Variants in DNAH6 observed in about 807,000 individuals in gnomAD.
DNAH6 encodes dynein axonemal heavy chain 6, also known as axonemal beta dynein heavy chain 6.
DNAH6 carries 340 observed loss-of-function variants against 491.4 expected under a neutral mutation model. The ratio of observed to expected loss-of-function variants is 0.69; its 90% CI spans 0.63 to 0.76. DNAH6 has a LOEUF of 0.76. Among genes scored for constraint, DNAH6 ranks in the 30% least tolerant of loss-of-function variants. The probability of loss-of-function intolerance (pLI) is 0.00; values close to 1 mark genes in which losing one functional copy is unlikely to be tolerated. For synonymous variants in DNAH6, 1,603 were observed against 1,686.1 expected (o/e 0.95, Z 1.21); for missense variants, 4,443 against 4,972.2 (o/e 0.89, Z 3.20).
chr2:84,549,542 C>T (rs953089519), intron 8 of DNAH6, among the ~76,000 whole-genome samples: 2 of 152,172 alleles, frequency 1.3e-5, no homozygotes, highest in African/African-American at 4.8e-5. Flanking sequence ...TTGTATGCAT[C>T]GATTTCTCCT....
Position 84,641,974 on chromosome 2 carries a change from A to C in DNAH6, c.4998A>C (p.Leu1666=). The change falls in exon 33 of 77, where the codon CTA becomes CTC. Residue 1666 remains leucine (L), a synonymous_variant. Coordinates refer to ENST00000389394, the MANE Select transcript of DNAH6 (RefSeq NM_001370.2). ...CTTTAAAAAGAGAAAACCCAGACCT[A>C]AATGAAGATGTGGTGTTGATAAGAG... The part of the protein sequence containing the change: ...AGSLKRENPD[L]NEDVVLIRAL... The C allele has an allele frequency of 6.4e-7, 1 of 1,550,814 alleles. No individual in the cohort carries two copies. The highest frequency in any genetic ancestry group is 1.2e-5 in the South Asian group (1 of 83,984).
the DNAH6 span, among the ~76,000 whole-genome samples, chr2:84,497,022 G>C: frequency 6.8e-6 from 1 of 147,404 alleles, no homozygotes; most frequent in African/African-American, 2.5e-5. Flanking sequence ...CCATGCTGGA[G>C]TGCAGTGACA....
intron 4 of DNAH6, among the ~76,000 whole-genome samples, chr2:84,542,965 C>G (rs1210664716): frequency 6.6e-6 from 1 of 152,098 alleles, no homozygotes; most frequent in East Asian, 1.9e-4. Context: ...TCGAGACCAG[C>G]CTGGTCAACA....
chr2:84,708,472 GA>G (rs368413372), intron 54 of DNAH6, among the ~76,000 whole-genome samples: 51 of 75,566 alleles, frequency 6.7e-4, no homozygotes, highest in African/African-American at 1.8e-3. Flanking sequence ...GAAAAAGAGA[GA>G]AAGGGGGGGG....
At chr2:84,687,091 T>C (rs1233710441) in intron 44 of DNAH6, among the ~76,000 whole-genome samples, 1 of 152,228 alleles carries the variant, frequency 6.6e-6, no homozygotes, top group Non-Finnish European at 1.5e-5. Flanking sequence ...TTTTTTTATA[T>C]ATTTAACTTC....
rs267599483 is a variant in DNAH6 at position 84,784,745 on chromosome 2, C to T, written c.10888C>T (p.Arg3630Ter). ...AGATAGTGCTATCAAGGACACTTTT[C>T]GACTTTTTTTAAGCTCCATGCCTAG... ...DPDSAIKDTFRLFLSSMPSNT... is the reference protein window; with the variant it reads ...DPDSAIKDTF The change falls in exon 66 of 77, where the codon CGA (arginine) becomes TGA (stop). Residue 3630 changes from arginine to a stop codon, truncating the protein, a stop_gained. Coordinates refer to ENST00000389394, the MANE Select transcript of DNAH6 (RefSeq NM_001370.2). LOFTEE classifies it high-confidence loss of function. 39 of 1,550,474 alleles carry T rather than the reference C, an allele frequency of 2.5e-5. No individual in the cohort carries two copies. The highest frequency in any genetic ancestry group is 8.2e-5 in the African/African-American group (6 of 73,078).
intron 72 of DNAH6, among the ~76,000 whole-genome samples, chr2:84,809,168 C>T (rs991203324): frequency 6.6e-6 from 1 of 152,154 alleles, no homozygotes; most frequent in African/African-American, 2.4e-5. Flanking sequence ...TAATGATGGT[C>T]AAAGGCCTTC....
rs919465278 is a variant in DNAH6, at chr2:84,812,280, T to C, written c.11740-61T>C. 10 of 1,453,198 alleles carry C rather than the reference T, an allele frequency of 6.9e-6. No individual in the cohort carries two copies. The African/African-American group carries it at 1.1e-4, about 16-fold the overall frequency. 90.0% of individuals were successfully genotyped at this position (1,453,198 alleles called of 1,614,324 possible). The stretch of plus-strand genomic sequence containing the variant: ...GGCAGCCCCTGCTGTCATTAATGTG[T>C]GTCACTGACACTGGATAATGACATC... On this transcript the variant is annotated intron_variant, in intron 72 of 76. Transcript: ENST00000389394.
At chr2:84,507,715 GCTCTTAT>G in the DNAH6 span, among the ~76,000 whole-genome samples, 1 of 152,152 alleles carries the variant, frequency 6.6e-6, no homozygotes, top group Non-Finnish European at 1.5e-5. Flanking sequence ...GTCATAGATA[GCTCTTAT>G]TATTTTGAGA....
At chr2:84,728,465 T>C (rs1573624701) in intron 61 of DNAH6, among the ~76,000 whole-genome samples, 1 of 152,342 alleles carries the variant, frequency 6.6e-6, no homozygotes, top group East Asian at 1.9e-4. Flanking sequence ...CTGTGTAATG[T>C]ATCATTTAAC....
Position 84,654,699 on chromosome 2 carries a change from C to T in DNAH6, c.5674C>T (p.Arg1892Ter). The change falls in exon 35 of 77, where the codon CGA becomes TGA. Residue 1892 changes from arginine (R) to a stop codon, truncating the protein, a stop_gained. Transcript: ENST00000389394. LOFTEE classifies it high-confidence loss of function. ...LRVASPATVSRCGMVFVDPEE... is the reference protein window; with the variant it reads ...LRVASPATVS ...GGTTGCCTCCCCTGCAACAGTCAGT[C>T]GATGTGGAATGGTGTTTGTGGATCC... is the stretch of plus-strand genomic sequence containing the variant. The T allele has an allele frequency of 1.9e-6, 3 of 1,551,024 alleles. No homozygotes were observed. Among genetic ancestry groups the T allele is most frequent in the Non-Finnish European group, 2.6e-6 (3 of 1,146,384 alleles).
chr2:84,769,925 G>C (rs1389625170), intron 64 of DNAH6, among the ~76,000 whole-genome samples: 1 of 152,174 alleles, frequency 6.6e-6, no homozygotes, highest in Admixed American at 6.5e-5. Context: ...ACTCACAAAA[G>C]ACATGAGAAG....
In DNAH6 at chr2:84,797,568, A is replaced by G; in HGVS notation, c.11391A>G (p.Leu3797=). The part of the protein sequence containing the change: ...GIYFAPMADS[L]QEFKDYIENL... ...ATTTTGCACCCATGGCTGACAGCCT[A>G]CAAGAGTTTAAGGACTACATTGAAA... Residue 3797 remains leucine (L), a synonymous_variant, in exon 70 of 77, where the codon CTA becomes CTG. Coordinates refer to ENST00000389394, the MANE Select transcript of DNAH6 (RefSeq NM_001370.2). 1.3e-6 allele frequency: 2 copies of G among 1,551,848 alleles called. No homozygotes were observed. Among genetic ancestry groups the G allele is most frequent in the Non-Finnish European group, 1.7e-6 (2 of 1,146,920 alleles).
chr2:84,528,640 T>C (rs1245480644), intron 3 of DNAH6, among the ~76,000 whole-genome samples: 2 of 151,700 alleles, frequency 1.3e-5, no homozygotes, highest in Non-Finnish European at 2.9e-5. Flanking sequence ...GTAATAAACA[T>C]TGAGTTAAAG....
At chr2:84,570,387 C>G (rs921124745) in intron 11 of DNAH6, among the ~76,000 whole-genome samples, 1 of 147,564 alleles carries the variant, frequency 6.8e-6, no homozygotes, top group African/African-American at 2.5e-5. Flanking sequence ...TTGTAAATGC[C>G]CCAATCAGCA....
Position 84,819,440 on chromosome 2 carries a change from AG to A in DNAH6, c.*34del. 7.0e-7 allele frequency: 1 copy of A among 1,430,052 alleles called. No individual in the cohort carries two copies. The allele number at this position is 1,430,052 out of a possible 1,614,324, so 88.6% of individuals were successfully genotyped here. A position where few individuals can be genotyped will look rare whatever the true frequency, so the allele number is the denominator to read the frequency against. On this transcript the variant is annotated 3_prime_UTR_variant, in exon 77 of 77. Coordinates refer to ENST00000389394, the MANE Select transcript of DNAH6 (RefSeq NM_001370.2). The stretch of plus-strand genomic sequence containing the variant: ...GCCACCTCAGCCCTGAAAAAGAACC[AG>A]GCCAGAGATCTTTCCTAATGGGAGC...
rs1402312179 is a variant in DNAH6, at chr2:84,781,759, A to G, written c.10864+106A>G. 9.8e-6 allele frequency: 13 copies of G among 1,323,634 alleles called. No individual in the cohort carries two copies. The East Asian group carries it at 2.0e-4, about 21-fold the overall frequency. The allele number at this position is 1,323,634 out of a possible 1,614,324, so 82.0% of individuals were successfully genotyped here. On this transcript the variant is annotated intron_variant, in intron 65 of 76. Coordinates refer to ENST00000389394, the MANE Select transcript of DNAH6 (RefSeq NM_001370.2). ...TCATTATTGTAGGCACTGTGTTTCC[A>G]TATATGAAAGAGGAGAAATTTGAGG...
At chr2:84,786,600 A>G (rs930029028) in intron 67 of DNAH6, among the ~76,000 whole-genome samples, 3 of 152,102 alleles carry the variant, frequency 2.0e-5, no homozygotes, top group African/African-American at 7.2e-5. Context: ...TGAGATCAAG[A>G]GCTAGGAACT....
intron 72 of DNAH6, among the ~76,000 whole-genome samples, chr2:84,810,828 C>T (rs533084953): frequency 6.6e-4 from 101 of 152,318 alleles, no homozygotes; most frequent in Admixed American, 7.8e-4. Flanking sequence ...CTTTGAAGTA[C>T]TCTTTCTCCC....
Sources: gnomAD v4.1 joint callset for allele counts (sites outside exome capture counted in the v4.1 genomes callset) on GRCh38, gnomAD v4.1.1 for gene constraint, MANE v1.5 for transcripts, NCBI Gene and HGNC (gene_info 2026-07-23, HGNC 2026-07-21) for gene names.